TP53I3: variants seen among roughly 807,000 people sequenced by gnomAD.
TP53I3 encodes the protein tumor protein p53 inducible protein 3.
In TP53I3, 32 loss-of-function variants were observed where a neutral mutation model predicts 27.7. The observed-to-expected ratio is 1.16, with a 90% CI of 0.87 to 1.55. The LOEUF is 1.55. Ranked by LOEUF, TP53I3 falls within the 40% of genes most tolerant of loss-of-function variation. TP53I3 has a pLI of 0.00. For synonymous variants in TP53I3, 138 were observed against 167.8 expected (o/e 0.82, Z 1.37); for missense variants, 372 against 412.3 (o/e 0.90, Z 0.85).
At chr2:24,083,308 C>T (rs1665100054) in intron 1 of TP53I3, among the ~76,000 whole-genome samples, 156 bp from the exon 2 acceptor site, 1 of 152,018 alleles carries the variant, frequency 6.6e-6, no homozygotes, top group Admixed American at 6.6e-5. Context: ...AAAGGAGAGG[C>T]CATTAGTTTT....
In TP53I3 at chr2:24,080,889, C is replaced by G. The variant is rs1039934729; in HGVS notation, c.549G>C (p.Lys183Asn). ...AATTGAATCCAGCAGCTGCTCCAAG[C>G]TTTTCTGCCATTTGAAGCTTCTTCT... is the stretch of plus-strand genomic sequence containing the variant. ...GSQKKLQMAE[K>N]LGAAAGFNYK... is the part of the protein sequence containing the mutation. The change falls in exon 3 of 5, where the codon AAG becomes AAC. Residue 183 changes from lysine to asparagine, a missense_variant. Coordinates refer to ENST00000238721, the MANE Select transcript of TP53I3 (RefSeq NM_004881.5). This position sits in a 1 kb window ranked among gnomAD's most constrained non-coding sequence, Gnocchi z 4.7. 4 of 1,614,100 alleles carry G rather than the reference C, an allele frequency of 2.5e-6. No homozygotes were observed. In the African/African-American group the frequency reaches 4.0e-5, roughly 16 times the overall value.
In TP53I3 at chr2:24,084,232, A is replaced by G. The variant is rs746295555; in HGVS notation, c.95T>C (p.Leu32Pro). 3.1e-6 allele frequency: 5 copies of G among 1,613,906 alleles called. No homozygotes were observed. The highest frequency in any genetic ancestry group is 4.2e-6 in the Non-Finnish European group (5 of 1,179,992). ...KPSPGEGEVL[L>P]KVAASALNRA... ...GTTCAGGGCGCTGGCCGCCACCTTC[A>G]GGAGGACTTCACCCTCCCCCGGGCT... The change falls in exon 1 of 5, where the codon CTG becomes CCG. Residue 32 changes from leucine to proline, a missense_variant. Leu to Pro is a moderately conservative substitution (Grantham distance 98). Transcript: ENST00000238721. The surrounding 1 kb of genome is among the most constrained non-coding windows in gnomAD (Gnocchi z 8.4).
rs61741427 is a variant in TP53I3, at chr2:24,083,072, C to T, written c.219G>A (p.Gly73=). 7.0e-4 allele frequency: 1,132 copies of T among 1,614,146 alleles called. 10 individuals are homozygous for T. The African/African-American group carries it at 0.013, about 18-fold the overall frequency. The change falls in exon 2 of 5, where the codon GGG becomes GGA. Residue 73 remains glycine (G), a synonymous_variant. Coordinates refer to ENST00000238721, the MANE Select transcript of TP53I3 (RefSeq NM_004881.5). ...TCTTCCAGTGTCCCTGGCAGCCAGG[C>T]CCCAGCTCTGCCACATGTCCAGATG... ...LEASGHVAEL[G]PGCQGHWKIG...
intron 2 of TP53I3, among the ~76,000 whole-genome samples, chr2:24,082,671 A>G (rs1288747717): frequency 1.3e-5 from 2 of 152,162 alleles, no homozygotes; most frequent in African/African-American, 4.8e-5. Flanking sequence ...TAACATGTAC[A>G]TAGGCCTCCT....
rs1664907970 is a variant in TP53I3 at position 24,079,541 on chromosome 2, A to C, written c.719T>G (p.Leu240Arg). 6.2e-7 allele frequency: 1 copy of C among 1,614,182 alleles called. No individual in the cohort carries two copies. Among genetic ancestry groups the C allele is most frequent in the Non-Finnish European group, 8.5e-7 (1 of 1,180,038 alleles). The change falls in exon 4 of 5, where the codon CTG becomes CGG. Residue 240 changes from leucine to arginine, a missense_variant. Transcript: ENST00000238721. ...ALDGRWVLYG[L>R]MGGGDINGPL... is the part of the protein sequence containing the mutation. ...CCCATTGATGTCACCTCCTCCCATC[A>C]GACCATAGAGAACCCATCGACCATC...
rs1480402478 is a variant in TP53I3 at position 24,083,098 on chromosome 2, C to T, written c.193G>A (p.Ala65Thr). The T allele has an allele frequency of 6.2e-7, 1 of 1,613,990 alleles. No homozygotes were observed. The highest frequency in any genetic ancestry group is 8.5e-7 in the Non-Finnish European group (1 of 1,179,920). Residue 65 changes from alanine (A) to threonine (T), a missense_variant, in exon 2 of 5, where the codon GCA (alanine) becomes ACA (threonine). Ala to Thr is a moderately conservative substitution (Grantham distance 58). Coordinates refer to ENST00000238721, the MANE Select transcript of TP53I3 (RefSeq NM_004881.5). ...CCCAGCTCTGCCACATGTCCAGATGCCTCAAGTCCCAAAATGTTGCTGGCT... is the reference window on the plus strand; with the variant it reads ...CCCAGCTCTGCCACATGTCCAGATGTCTCAAGTCCCAAAATGTTGCTGGCT... ...PGASNILGLE[A>T]SGHVAELGPG...
At position 24,084,560 on chromosome 2, in the gene TP53I3, A is replaced by G. The variant is rs1052196998; in HGVS notation, c.-234T>C. Reference sequence around the variant, plus strand: ...GCCTGGGAAGTCCTCGGCCGCCTCCAGACCGATCCCACCCGGAACACAGAT... The same window carrying G: ...GCCTGGGAAGTCCTCGGCCGCCTCCGGACCGATCCCACCCGGAACACAGAT... On this transcript the variant is annotated 5_prime_UTR_variant, in exon 1 of 5. Transcript: ENST00000238721. This position sits in a 1 kb window ranked among gnomAD's most constrained non-coding sequence, Gnocchi z 8.4. 4.6e-5 allele frequency: 23 copies of G among 501,492 alleles called. No homozygotes were observed. The African/African-American group carries it at 4.7e-4, about 10-fold the overall frequency. The allele number at this position is 501,492 out of a possible 1,614,324, so 31.1% of individuals were successfully genotyped here.
intron 4 of TP53I3, chr2:24,079,235 C>G (rs1329113309): frequency 1.8e-6 from 1 of 568,602 alleles, no homozygotes; most frequent in Admixed American, 3.0e-5. Flanking sequence ...GAAGTATCAG[C>G]TACACTTCTT....
At chr2:24,083,489 T>G (rs1279040379) in intron 1 of TP53I3, among the ~76,000 whole-genome samples, 1 of 152,152 alleles carries the variant, frequency 6.6e-6, no homozygotes, top group African/African-American at 2.4e-5. Flanking sequence ...CATCAAGCGC[T>G]AGGCTCTGTG....
chr2:24,082,421 G>A (rs1351175184), intron 2 of TP53I3, among the ~76,000 whole-genome samples: 1 of 152,150 alleles, frequency 6.6e-6, no homozygotes, highest in Non-Finnish European at 1.5e-5. Flanking sequence ...CATAGACAGG[G>A]CTATCCTTCT....
intron 1 of TP53I3, among the ~76,000 whole-genome samples, chr2:24,083,941 G>A (rs1292775703): frequency 6.6e-6 from 1 of 152,230 alleles, no homozygotes; most frequent in African/African-American, 2.4e-5. Flanking sequence ...AACAATGTTA[G>A]TTCCGCCCTC....
chr2:24,079,695 C>G lies in TP53I3; in HGVS notation c.620-55G>C, dbSNP rs1664917543. ...GTCAGCTTGGTGCTAAATAAGATAC[C>G]ATGGTATATTTGGGGATTATGGATA... On this transcript the variant is annotated intron_variant, in intron 3 of 4. Coordinates refer to ENST00000238721, the MANE Select transcript of TP53I3 (RefSeq NM_004881.5). 3.2e-6 allele frequency: 5 copies of G among 1,547,738 alleles called. No individual in the cohort carries two copies. The South Asian group carries it at 5.7e-5, about 18-fold the overall frequency.
chr2:24,080,853 C>G lies in TP53I3; in HGVS notation c.585G>C (p.Glu195Asp), dbSNP rs61758081. ...ATTTCAGCGTTGCTTCAGAGAAATC[C>G]TCTTTTTTGTAATTGAATCCAGCAG... ...GAAAGFNYKK[E>D]DFSEATLKFT... Residue 195 changes from glutamate (E) to aspartate (D), a missense_variant, in exon 3 of 5, where the codon GAG becomes GAC. Glu to Asp is a conservative substitution (Grantham distance 45). Coordinates refer to ENST00000238721, the MANE Select transcript of TP53I3 (RefSeq NM_004881.5). The surrounding 1 kb of genome is among the most constrained non-coding windows in gnomAD (Gnocchi z 4.7). 429 of 1,614,186 alleles carry G rather than the reference C, an allele frequency of 2.7e-4. 1 individual carries two copies. In the African/African-American group the frequency reaches 5.2e-3, roughly 19 times the overall value.
chr2:24,079,078 GCTTA>G (rs1664883876), intron 4 of TP53I3: 1 of 189,272 alleles, frequency 5.3e-6, no homozygotes, highest in Non-Finnish European at 1.1e-5. Context: ...GAAGGCCAAG[GCTTA>G]CTTATTTTTT....
At position 24,083,045 on chromosome 2, in the gene TP53I3, G is replaced by A. The variant is rs1304575435; in HGVS notation, c.246C>T (p.Ile82=). The stretch of plus-strand genomic sequence containing the variant: ...GGAGCAGAGCCATGGCTGTGTCCCC[G>A]ATCTTCCAGTGTCCCTGGCAGCCAG... ...LGPGCQGHWK[I]GDTAMALLPG... Residue 82 remains isoleucine, a synonymous_variant, in exon 2 of 5, where the codon ATC becomes ATT. Transcript: ENST00000238721. 15 of 1,613,994 alleles carry A rather than the reference G, an allele frequency of 9.3e-6. No individual in the cohort carries two copies. The highest frequency in any genetic ancestry group is 4.5e-5 in the East Asian group (2 of 44,896).
rs1292899034 is a variant in TP53I3 at position 24,082,947 on chromosome 2, A to G, written c.344T>C (p.Leu115Pro). The change falls in exon 2 of 5, where the codon CTG becomes CCG. Residue 115 changes from leucine to proline, a missense_variant. By Grantham distance (98) the Leu-to-Pro change is moderately conservative. Transcript: ENST00000238721. ...LLMPIPEGLT[L>P]TQAAAIPEAW... Reference sequence around the variant, plus strand: ...CTCTGGGATGGCTGCAGCCTGGGTCAGGGTCAATCCCTCTGGGATAGGCAT... The same window carrying G: ...CTCTGGGATGGCTGCAGCCTGGGTCGGGGTCAATCCCTCTGGGATAGGCAT... 4.3e-6 allele frequency: 7 copies of G among 1,613,812 alleles called. No individual in the cohort carries two copies. Among genetic ancestry groups the G allele is most frequent in the Non-Finnish European group, 5.9e-6 (7 of 1,179,986 alleles).
chr2:24,079,585 G>T lies in TP53I3; in HGVS notation c.675C>A (p.Asn225Lys). ...GACCATCAAGAGCCAGGCAGTTGAC[G>T]TTCTTCTCCCAGTAGGATCCGCCTA... ...DCIGGSYWEKNVNCLALDGRW... is the reference protein window; with the variant it reads ...DCIGGSYWEKKVNCLALDGRW... The change falls in exon 4 of 5, where the codon AAC (asparagine) becomes AAA (lysine). Residue 225 changes from asparagine to lysine, a missense_variant. By Grantham distance (94) the Asn-to-Lys change is moderately conservative. Coordinates refer to ENST00000238721, the MANE Select transcript of TP53I3 (RefSeq NM_004881.5). The T allele has an allele frequency of 6.2e-7, 1 of 1,614,088 alleles. No homozygotes were observed. Among genetic ancestry groups the T allele is most frequent in the Non-Finnish European group, 8.5e-7 (1 of 1,180,040 alleles).
Position 24,080,713 on chromosome 2 carries a change from T to C in TP53I3, c.619+106A>G, listed in dbSNP as rs973967828. The C allele has an allele frequency of 7.2e-7, 1 of 1,389,082 alleles. No homozygotes were observed. Among genetic ancestry groups the C allele is most frequent in the Non-Finnish European group, 1.0e-6 (1 of 992,162 alleles). 86.0% of individuals were successfully genotyped at this position (1,389,082 alleles called of 1,614,324 possible). A position where few individuals can be genotyped will look rare whatever the true frequency, so the allele number is the denominator to read the frequency against. On this transcript the variant is annotated intron_variant, in intron 3 of 4. Coordinates refer to ENST00000238721, the MANE Select transcript of TP53I3 (RefSeq NM_004881.5). This position sits in a 1 kb window ranked among gnomAD's most constrained non-coding sequence, Gnocchi z 4.7. ...TTTGGCCAGGGCAGCTGTTGTGCACTTAGCAGAGGTAAGACTGATACACAG... is the reference window on the plus strand; with the variant it reads ...TTTGGCCAGGGCAGCTGTTGTGCACCTAGCAGAGGTAAGACTGATACACAG...
intron 1 of TP53I3, among the ~76,000 whole-genome samples, chr2:24,083,786 A>C (rs1665123647): frequency 6.6e-6 from 1 of 151,672 alleles, no homozygotes; most frequent in Non-Finnish European, 1.5e-5. Flanking sequence ...AGCCACAAAG[A>C]CCTCAGCTTG....
Sources: allele counts gnomAD v4.1 joint callset (sites outside exome capture counted in the v4.1 genomes callset), GRCh38; gene constraint gnomAD v4.1.1; non-coding constraint Gnocchi (gnomAD v3.1); transcripts MANE v1.5; gene names NCBI Gene and HGNC (gene_info 2026-07-23, HGNC 2026-07-21).